UST: variants seen among roughly 807,000 people sequenced by gnomAD.
UST encodes the protein chondroitin sulfate 2-O-sulfotransferase.
A neutral mutation model predicts 45.6 loss-of-function variants in UST; 21 were observed. The observed-to-expected ratio is 0.46, with a 90% confidence interval of 0.33 to 0.66. The LOEUF (loss-of-function observed/expected upper bound fraction) is 0.66, where lower values mean the gene tolerates loss of function less well. Ranked by LOEUF, UST falls within the 30% of genes least tolerant of loss-of-function variation. The probability of loss-of-function intolerance (pLI) is 0.02; values close to 1 mark genes in which losing one functional copy is unlikely to be tolerated. For synonymous variants in UST, 215 were observed against 200.6 expected, an observed-to-expected ratio of 1.07 and a Z score of -0.61; for missense variants, 463 against 512.4, an observed-to-expected ratio of 0.90 and a Z score of 0.93.
chr6:149,052,347 G>A (rs1776499630), intron 7 of UST, among the ~76,000 whole-genome samples: 1 of 152,122 alleles, frequency 6.6e-6, no homozygotes, highest in East Asian at 1.9e-4. Context: ...ACACTCATTG[G>A]GAGCTTCTTG....
At chr6:149,047,300 C>T (rs112479073) in intron 7 of UST, among the ~76,000 whole-genome samples, 14 of 152,080 alleles carry the variant, frequency 9.2e-5, no homozygotes, top group African/African-American at 3.4e-4. Flanking sequence ...TTGCTAATGT[C>T]AAAATAACAT....
At chr6:148,844,158 T>C (rs892072776) in intron 1 of UST, among the ~76,000 whole-genome samples, 1 of 152,242 alleles carries the variant, frequency 6.6e-6, no homozygotes, top group African/African-American at 2.4e-5. Context: ...TACTTCCATG[T>C]CACTTTTTTA....
At chr6:148,975,966 C>T (rs1781007738) in intron 5 of UST, among the ~76,000 whole-genome samples, 1 of 151,830 alleles carries the variant, frequency 6.6e-6, no homozygotes, top group Non-Finnish European at 1.5e-5. Context: ...GTTTATTTCA[C>T]AAAAAGGCAT....
rs924207310 is a variant in UST, at chr6:148,801,448, A to G, written c.247+53771A>G. On this transcript the variant is annotated intron_variant, in intron 1 of 7. Transcript: ENST00000367463. ...GGTAGATTTTCACAACCCAAATGGCAGTGAGCTTCCAATTATGAATTTTCT... is the reference window on the plus strand; with the variant it reads ...GGTAGATTTTCACAACCCAAATGGCGGTGAGCTTCCAATTATGAATTTTCT... 1.2e-4 allele frequency among the ~76,000 whole-genome samples: 19 copies of G among 152,298 alleles called. No homozygotes were observed. The East Asian group carries it at 3.5e-3, about 28-fold the overall frequency.
chr6:148,875,018 G>T (rs765415696), intron 1 of UST, among the ~76,000 whole-genome samples: 1 of 152,198 alleles, frequency 6.6e-6, no homozygotes, highest in Admixed American at 6.5e-5. Context: ...GAATCCTGTG[G>T]GAAATGGCTG....
chr6:148,838,278 A>G (rs1458829438), intron 1 of UST, among the ~76,000 whole-genome samples: 2 of 152,176 alleles, frequency 1.3e-5, no homozygotes, highest in Non-Finnish European at 1.5e-5. Context: ...GGGTGGACTC[A>G]AGGAGCAGAA....
intron 1 of UST, among the ~76,000 whole-genome samples, chr6:148,800,473 G>C (rs1777034194): frequency 6.6e-6 from 1 of 152,106 alleles, no homozygotes; most frequent in South Asian, 2.1e-4. Context: ...ATTTATTTAA[G>C]AATCTGGCTT....
At chr6:148,791,950 T>C (rs528560981) in intron 1 of UST, among the ~76,000 whole-genome samples, 1 of 152,238 alleles carries the variant, frequency 6.6e-6, no homozygotes, top group South Asian at 2.1e-4. Context: ...TTTAGGAAAC[T>C]CAAATGGAAA....
At chr6:149,065,173 A>G (rs1018745317) in intron 7 of UST, among the ~76,000 whole-genome samples, 2 of 152,186 alleles carry the variant, frequency 1.3e-5, no homozygotes, top group Non-Finnish European at 2.9e-5. Flanking sequence ...AAGGAATGCT[A>G]CTAATAAGTA....
chr6:148,946,813 CAAAAAAAAAAAAAAAA>C (rs60990121), intron 3 of UST, among the ~76,000 whole-genome samples: 4 of 56,824 alleles, frequency 7.0e-5, no homozygotes, highest in Non-Finnish European at 5.9e-5. Context: ...GACTCCATCC[CAAAAAAAAAAAAAAAA>C]AAAAAAAAAA....
intron 5 of UST, among the ~76,000 whole-genome samples, chr6:149,002,472 T>C (rs1273412796): frequency 6.6e-6 from 1 of 152,154 alleles, no homozygotes; most frequent in African/African-American, 2.4e-5. Flanking sequence ...GTAGGAATAA[T>C]AACATGATAC....
At position 148,875,904 on chromosome 6, in the gene UST, A is replaced by G. The variant is rs146085223; in HGVS notation, c.248-11082A>G. On this transcript the variant is annotated intron_variant, in intron 1 of 7. Transcript: ENST00000367463. ...TTATTGAGCATTTACTGTATCCTGGACAGGCAGTGTGATAAGTGCTGCACA... is the reference window on the plus strand; with the variant it reads ...TTATTGAGCATTTACTGTATCCTGGGCAGGCAGTGTGATAAGTGCTGCACA... 2.0e-5 allele frequency among the ~76,000 whole-genome samples: 3 copies of G among 152,394 alleles called. No individual in the cohort carries two copies. In the East Asian group the frequency reaches 5.8e-4, roughly 29 times the overall value.
chr6:148,815,307 A>G (rs1216405528), intron 1 of UST, among the ~76,000 whole-genome samples: 2 of 152,242 alleles, frequency 1.3e-5, no homozygotes, highest in African/African-American at 4.8e-5. Context: ...GAGTTGGAGG[A>G]CACACATGGA....
At chr6:148,886,722 G>C (rs184305957) in intron 1 of UST, among the ~76,000 whole-genome samples, 76 of 152,262 alleles carry the variant, frequency 5.0e-4, no homozygotes, top group Admixed American at 1.1e-3. Context: ...TGAGAATAAT[G>C]GTGCGTGTTA....
intron 1 of UST, among the ~76,000 whole-genome samples, chr6:148,747,903 C>G (rs887535735): frequency 6.6e-6 from 1 of 152,156 alleles, no homozygotes; most frequent in African/African-American, 2.4e-5. Context: ...GTTGCGCTGC[C>G]GGCAGGTACC....
chr6:149,070,767 A>T (rs1776807820), intron 7 of UST, among the ~76,000 whole-genome samples: 1 of 148,498 alleles, frequency 6.7e-6, no homozygotes, highest in African/African-American at 2.5e-5. Flanking sequence ...TAGTTATTTT[A>T]TTATTATTAT....
chr6:148,990,223 G>T (rs917065029), intron 5 of UST, among the ~76,000 whole-genome samples: 1 of 151,854 alleles, frequency 6.6e-6, no homozygotes, highest in East Asian at 1.9e-4. Flanking sequence ...TATTTATTTG[G>T]TGTGGCAGGT....
intron 4 of UST, among the ~76,000 whole-genome samples, chr6:148,963,794 T>G (rs1360940176): frequency 1.3e-5 from 2 of 152,176 alleles, no homozygotes; most frequent in Non-Finnish European, 2.9e-5. Context: ...GGATAATTAT[T>G]TTTTCTACTC....
At chr6:148,978,486 G>A (rs1343082143) in intron 5 of UST, among the ~76,000 whole-genome samples, 2 of 152,128 alleles carry the variant, frequency 1.3e-5, no homozygotes, top group African/African-American at 2.4e-5. Context: ...GGAATACTAT[G>A]CAGCCATAAA....
Sources: gnomAD v4.1 joint callset for allele counts (sites outside exome capture counted in the v4.1 genomes callset) on GRCh38, gnomAD v4.1.1 for gene constraint, MANE v1.5 for transcripts, NCBI Gene and HGNC (gene_info 2026-07-23, HGNC 2026-07-21) for gene names.